The following FSTL4 variants were observed in gnomAD, a reference collection of about 807,000 sequenced individuals.
The protein encoded by FSTL4 is follistatin like 4.
Under a neutral mutation model 78.2 loss-of-function variants are expected in FSTL4, and 28 were observed. The ratio of observed to expected loss-of-function variants is 0.36; its 90% confidence interval spans 0.27 to 0.49. The LOEUF (loss-of-function observed/expected upper bound fraction) is 0.49, where lower values mean the gene tolerates loss of function less well. FSTL4 is among the 20% of genes least tolerant of loss of function. The pLI is 0.98. For missense variants in FSTL4, 922 were observed against 1,084.9 expected (o/e 0.85, Z 2.11); for synonymous variants, 422 against 440.5 (o/e 0.96, Z 0.53).
intron 13 of FSTL4, chr5:133,211,058 T>C (rs911496167): frequency 6.6e-6 from 1 of 152,128 alleles, no homozygotes. Context: ...CCCCTCTCTA[T>C]CTATCTTTGT....
chr5:133,737,321 G>C, the FSTL4 span, among the ~76,000 whole-genome samples: 2 of 137,182 alleles, frequency 1.5e-5, no homozygotes, highest in African/African-American at 5.5e-5. Flanking sequence ...CAATTGTTTT[G>C]ATTTTTAGAT....
At chr5:133,674,068 C>A in the FSTL4 span, among the ~76,000 whole-genome samples, 1 of 152,166 alleles carries the variant, frequency 6.6e-6, no homozygotes, top group African/African-American at 2.4e-5. Context: ...ACAACAGAGG[C>A]CCCCACCATA....
intron 6 of FSTL4, among the ~76,000 whole-genome samples, chr5:133,269,075 G>C (rs1441025237): frequency 6.6e-6 from 1 of 151,830 alleles, no homozygotes; most frequent in Admixed American, 6.6e-5. Context: ...CCAGCTACTC[G>C]GGAGGCTGAG....
At chr5:133,393,998 C>G (rs1580675845) in intron 4 of FSTL4, among the ~76,000 whole-genome samples, 1 of 152,248 alleles carries the variant, frequency 6.6e-6, no homozygotes, top group African/African-American at 2.4e-5. Context: ...TAGGGACATG[C>G]CTTGCTGAGC....
the FSTL4 span, among the ~76,000 whole-genome samples, chr5:133,678,643 G>T: frequency 6.6e-6 from 1 of 152,140 alleles, no homozygotes; most frequent in Non-Finnish European, 1.5e-5. Flanking sequence ...AGGCATACAA[G>T]TGGAGCTGTT....
chr5:133,387,203 A>C (rs748287839), intron 4 of FSTL4, among the ~76,000 whole-genome samples: 14 of 152,040 alleles, frequency 9.2e-5, no homozygotes, highest in South Asian at 4.2e-4. Flanking sequence ...CCTGACAAAT[A>C]TCTCTCCTAA....
chr5:133,640,885 TG>T, the FSTL4 span, among the ~76,000 whole-genome samples: 1 of 152,238 alleles, frequency 6.6e-6, no homozygotes, highest in Non-Finnish European at 1.5e-5. Context: ...CTCGCTGCTC[TG>T]GAGAGGAAAC....
the FSTL4 span, among the ~76,000 whole-genome samples, chr5:133,813,291 G>A: frequency 6.6e-6 from 1 of 152,172 alleles, no homozygotes; most frequent in African/African-American, 2.4e-5. Context: ...CTGAAATATT[G>A]CAATTTTTCA....
chr5:133,664,688 C>T, the FSTL4 span, among the ~76,000 whole-genome samples: 2 of 152,196 alleles, frequency 1.3e-5, no homozygotes, highest in Non-Finnish European at 2.9e-5. Flanking sequence ...GGGTTTTCTA[C>T]TTAGTTCTCA....
chr5:133,737,921 G>A, the FSTL4 span, among the ~76,000 whole-genome samples: 147 of 152,166 alleles, frequency 9.7e-4, no homozygotes, highest in African/African-American at 3.5e-3. Context: ...TTTCTTTTGG[G>A]TATATGCCCG....
chr5:133,460,834 T>C (rs1249818392), intron 3 of FSTL4, among the ~76,000 whole-genome samples: 1 of 152,244 alleles, frequency 6.6e-6, no homozygotes, highest in Non-Finnish European at 1.5e-5. Flanking sequence ...AACTCTTGCA[T>C]GCTCTGAGGC....
At chr5:133,609,686 G>C (rs1389435397) in intron 1 of FSTL4, among the ~76,000 whole-genome samples, 1 of 152,184 alleles carries the variant, frequency 6.6e-6, no homozygotes, top group Non-Finnish European at 1.5e-5. Flanking sequence ...CCCAACACTT[G>C]ATAAATTAGA....
At chr5:133,838,560 T>A in the FSTL4 span, among the ~76,000 whole-genome samples, 1 of 152,208 alleles carries the variant, frequency 6.6e-6, no homozygotes, top group African/African-American at 2.4e-5. Flanking sequence ...GCATGTCTGG[T>A]ACCCAGTCTG....
chr5:133,318,541 T>A (rs1418081818), intron 4 of FSTL4, among the ~76,000 whole-genome samples: 1 of 152,124 alleles, frequency 6.6e-6, no homozygotes, highest in East Asian at 1.9e-4. Context: ...TAAATGGAGA[T>A]GGATGTGTGC....
intron 3 of FSTL4, among the ~76,000 whole-genome samples, chr5:133,414,762 C>T (rs1271041461): frequency 6.6e-6 from 1 of 152,176 alleles, no homozygotes; most frequent in Non-Finnish European, 1.5e-5. Flanking sequence ...CAACACGGCA[C>T]CATTTAGCCC....
At chr5:133,540,981 C>A (rs1037991837) in intron 3 of FSTL4, among the ~76,000 whole-genome samples, 2 of 152,090 alleles carry the variant, frequency 1.3e-5, no homozygotes, top group Non-Finnish European at 2.9e-5. Flanking sequence ...ACTCTGCCAG[C>A]CCGCTCTCAC....
the FSTL4 span, among the ~76,000 whole-genome samples, chr5:133,814,674 G>A: frequency 6.6e-6 from 1 of 152,314 alleles, no homozygotes; most frequent in Admixed American, 6.5e-5. Context: ...TTAAAGGCAA[G>A]CAGTAAACCA....
At chr5:133,745,842 A>G in the FSTL4 span, among the ~76,000 whole-genome samples, 1 of 152,194 alleles carries the variant, frequency 6.6e-6, no homozygotes, top group East Asian at 1.9e-4. Context: ...TGACAACATT[A>G]CCCCTGCAGG....
At chr5:133,750,747 G>A in the FSTL4 span, among the ~76,000 whole-genome samples, 2 of 152,054 alleles carry the variant, frequency 1.3e-5, no homozygotes, top group East Asian at 1.9e-4. Flanking sequence ...ATCCACTGCC[G>A]GGCACAGGGT....
Sources: gnomAD v4.1 joint callset for allele counts (sites outside exome capture counted in the v4.1 genomes callset) on GRCh38, gnomAD v4.1.1 for gene constraint, MANE v1.5 for transcripts, NCBI Gene and HGNC (gene_info 2026-07-23, HGNC 2026-07-21) for gene names.